Variants in TMEM219 observed in about 807,000 individuals in gnomAD.
TMEM219 encodes insulin-like growth factor-binding protein 3 receptor.
A neutral mutation model predicts 17.9 loss-of-function variants in TMEM219; 18 were observed. The observed-to-expected ratio is 1.01, with a 90% CI of 0.70 to 1.49. The LOEUF is 1.49. TMEM219 is among the 40% of genes most tolerant of loss of function. The pLI is 0.00. For synonymous variants in TMEM219, 113 were observed against 124.0 expected, an observed-to-expected ratio of 0.91 and a Z score of 0.59; for missense variants, 288 against 292.4, an observed-to-expected ratio of 0.99 and a Z score of 0.11.
At chr16:29,968,736 A>T (rs1235857316) in intron 4 of TMEM219, 2 of 156,832 alleles carry the variant, frequency 1.3e-5, no homozygotes, top group African/African-American at 4.8e-5. Flanking sequence ...GGTGGCATTT[A>T]CCAGAGAGCA....
chr16:29,967,115 C>G (rs112600514), intron 3 of TMEM219, among the ~76,000 whole-genome samples: 2,535 of 152,242 alleles, frequency 0.017, 76 homozygotes, highest in African/African-American at 0.058. Context: ...CAATGTGTAT[C>G]TGCCCATTTC....
chr16:29,964,941 C>G (rs1298827138), intron 3 of TMEM219, among the ~76,000 whole-genome samples: 4 of 152,138 alleles, frequency 2.6e-5, no homozygotes, highest in Non-Finnish European at 5.9e-5. Context: ...TAGGTTTGAC[C>G]TAATGTTTTC....
In TMEM219 at chr16:29,963,623, C is replaced by T. The variant is rs751082763; in HGVS notation, c.355+34C>T. The stretch of plus-strand genomic sequence containing the variant: ...AGAGGCTGGGTGTGGTGGCTCACGC[C>T]TGTAATCCCAACACTTTGGGAGGCT... On this transcript the variant is annotated intron_variant, in intron 3 of 5. Coordinates refer to ENST00000279396, the MANE Select transcript of TMEM219 (RefSeq NM_001083613.2). The T allele has an allele frequency of 2.4e-5, 39 of 1,594,308 alleles. No homozygotes were observed. In the East Asian group the frequency reaches 8.5e-4, roughly 35 times the overall value.
At position 29,968,123 on chromosome 16, in the gene TMEM219, C is replaced by T; in HGVS notation, c.454C>T (p.Pro152Ser). The T allele has an allele frequency of 6.2e-6, 10 of 1,614,160 alleles. No individual in the cohort carries two copies. Among genetic ancestry groups the T allele is most frequent in the Non-Finnish European group, 8.5e-6 (10 of 1,180,024 alleles). Reference sequence around the variant, plus strand: ...TTTTAGTGCTGTTCCAGGAATCCTACCCTCCAGCCAGCCACCCATATCCTG... The same window carrying T: ...TTTTAGTGCTGTTCCAGGAATCCTATCCTCCAGCCAGCCACCCATATCCTG... Reference protein sequence around the residue: ...LYFSAVPGILPSSQPPISCSE... With the variant: ...LYFSAVPGILSSSQPPISCSE... Residue 152 changes from proline (P) to serine (S), a missense_variant, in exon 4 of 6, where the codon CCC becomes TCC. Pro to Ser is a moderately conservative substitution (Grantham distance 74). Coordinates refer to ENST00000279396, the MANE Select transcript of TMEM219 (RefSeq NM_001083613.2).
intron 2 of TMEM219, 24 bp from the exon 3 acceptor site, chr16:29,963,376 T>C: frequency 6.2e-7 from 1 of 1,613,680 alleles, no homozygotes; most frequent in Non-Finnish European, 8.5e-7. Context: ...TAATCTCATC[T>C]CACCCGTCTT....
chr16:29,970,150 C>T (rs2150866377), intron 4 of TMEM219, among the ~76,000 whole-genome samples: 1 of 151,460 alleles, frequency 6.6e-6, no homozygotes, highest in African/African-American at 2.4e-5. Context: ...AGGAGAATCT[C>T]TGGAACCTGG....
chr16:29,966,879 T>A (rs1177736864), intron 3 of TMEM219, among the ~76,000 whole-genome samples: 1 of 152,032 alleles, frequency 6.6e-6, no homozygotes, highest in East Asian at 1.9e-4. Flanking sequence ...ATACTTAAGT[T>A]TTTTTTTAGT....
At chr16:29,964,564 G>A (rs1368610706) in intron 3 of TMEM219, among the ~76,000 whole-genome samples, 1 of 152,146 alleles carries the variant, frequency 6.6e-6, no homozygotes, top group Non-Finnish European at 1.5e-5. Context: ...GGGAGGCTGA[G>A]GCAGGAGAAT....
In TMEM219 at chr16:29,967,357, C is replaced by T. The variant is rs1214361759; in HGVS notation, c.356-668C>T. On this transcript the variant is annotated intron_variant, in intron 3 of 5. Transcript: ENST00000279396. ...GGCGTGGTGGTTCATGCCTGGAATCCCAACATTTTGGGAGGTCAGGGTAGC... is the reference window on the plus strand; with the variant it reads ...GGCGTGGTGGTTCATGCCTGGAATCTCAACATTTTGGGAGGTCAGGGTAGC... Among the ~76,000 whole-genome samples the T allele has an allele frequency of 3.3e-5, 5 of 152,206 alleles. No individual in the cohort carries two copies. The East Asian group carries it at 7.7e-4, about 23-fold the overall frequency.
intron 3 of TMEM219, among the ~76,000 whole-genome samples, chr16:29,966,026 C>T (rs989390182): frequency 6.6e-6 from 1 of 152,058 alleles, no homozygotes; most frequent in East Asian, 1.9e-4. Context: ...TGAGCCACTG[C>T]GCCTGGCCAA....
chr16:29,967,913 C>T (rs910662153), intron 3 of TMEM219, 112 bp from the exon 4 acceptor site: 16 of 816,062 alleles, frequency 2.0e-5, no homozygotes, highest in South Asian at 1.2e-4. Flanking sequence ...GGTGATAGAG[C>T]GAGACTCCGC....
chr16:29,963,083 C>G, intron 1 of TMEM219, 24 bp from the exon 2 acceptor site: 1 of 1,579,950 alleles, frequency 6.3e-7, no homozygotes, highest in Non-Finnish European at 8.6e-7. Flanking sequence ...TGCTCTTGTC[C>G]CATTCTCCCT....
At chr16:29,968,411 C>A (rs1293904199) in intron 4 of TMEM219, 157 bp downstream of exon 4, 2 of 596,840 alleles carry the variant, frequency 3.4e-6, no homozygotes, top group Non-Finnish European at 5.9e-6. Context: ...CTAAACATCT[C>A]TGAGTGTCAG....
intron 5 of TMEM219, 47 bp downstream of exon 5, chr16:29,971,625 G>C: frequency 6.8e-7 from 1 of 1,464,894 alleles, no homozygotes. Context: ...ATGGGGTGGG[G>C]GTGGGGGTTG....
At chr16:29,962,934 A>G (rs569277375) in intron 1 of TMEM219, 173 bp from the exon 2 acceptor site, 223 of 631,182 alleles carry the variant, frequency 3.5e-4, no homozygotes, top group Non-Finnish European at 5.9e-4. Flanking sequence ...AATGCAGCAA[A>G]TATTTATCCA....
At chr16:29,971,088 T>A (rs1441469894) in intron 4 of TMEM219, among the ~76,000 whole-genome samples, 5 of 138,290 alleles carry the variant, frequency 3.6e-5, no homozygotes, top group African/African-American at 1.4e-4. Context: ...CTACTAAAAA[T>A]ACAAAAAATG....
At chr16:29,971,708 AC>A in intron 5 of TMEM219, 130 bp downstream of exon 5, 1 of 819,310 alleles carries the variant, frequency 1.2e-6, no homozygotes, top group Non-Finnish European at 1.9e-6. Flanking sequence ...AACCTCTTCA[AC>A]CACAGCTCTC....
chr16:29,967,887 A>C (rs935398180), intron 3 of TMEM219, 138 bp from the exon 4 acceptor site: 24 of 647,366 alleles, frequency 3.7e-5, no homozygotes, highest in Non-Finnish European at 4.0e-5. Context: ...AGATTGCGCC[A>C]CTGCACTCCA....
At chr16:29,970,473 C>T (rs1387902694) in intron 4 of TMEM219, among the ~76,000 whole-genome samples, 9 of 151,596 alleles carry the variant, frequency 5.9e-5, no homozygotes, top group South Asian at 2.1e-4. Context: ...TACAGGCGCC[C>T]GCCACCATGC....
Sources: gnomAD v4.1 joint callset for allele counts (sites outside exome capture counted in the v4.1 genomes callset) on GRCh38, gnomAD v4.1.1 for gene constraint, MANE v1.5 for transcripts, NCBI Gene and HGNC (gene_info 2026-07-23, HGNC 2026-07-21) for gene names.